CD101: variants seen among roughly 807,000 people sequenced by gnomAD.
CD101 encodes the protein CD101 molecule.
Under a neutral mutation model 98.2 loss-of-function variants are expected in CD101, and 76 were observed. The observed-to-expected ratio is 0.77, with a 90% CI of 0.64 to 0.94. The LOEUF is 0.94. Ranked by LOEUF, CD101 falls within the 40% of genes least tolerant of loss-of-function variation. The pLI is 0.00. For missense variants in CD101, 1,145 were observed against 1,218.8 expected, an observed-to-expected ratio of 0.94 and a Z score of 0.90; for synonymous variants, 471 against 472.7, an observed-to-expected ratio of 1.00 and a Z score of 0.05.
intron 8 of CD101, among the ~76,000 whole-genome samples, chr1:117,030,131 G>A (rs1302840042): frequency 2.0e-5 from 3 of 152,192 alleles, no homozygotes; most frequent in Non-Finnish European, 4.4e-5. Context: ...TGGGCCAGAT[G>A]TGATGGCTCC....
At position 117,011,561 on chromosome 1, in the gene CD101, AC is replaced by A. The variant is rs1280458140; in HGVS notation, c.439del (p.Leu147SerfsTer5). On this transcript the variant is annotated frameshift_variant, in exon 3 of 10. Coordinates refer to ENST00000682167, the MANE Select transcript of CD101 (RefSeq NM_001256106.3). LOFTEE classifies it high-confidence loss of function. ...TCCTTTGTTTCCAGTTATTCCAGAT[AC>A]CCTCTCTGCCACCATGAGTTCTCAG... Reference protein sequence around the residue: ...AKTNLIVIPDTLSATMSSQTL... With the variant: ...AKTNLIVIPDXLSATMSSQTL... 1.9e-6 allele frequency: 3 copies of A among 1,612,012 alleles called. No individual in the cohort carries two copies. Among genetic ancestry groups the A allele is most frequent in the East Asian group, 2.2e-5 (1 of 44,860 alleles).
rs1175788059 is a variant in CD101 at position 117,010,988 on chromosome 1, C to T, written c.425-562C>T. 1.3e-5 allele frequency among the ~76,000 whole-genome samples: 2 copies of T among 152,148 alleles called. No homozygotes were observed. Among genetic ancestry groups the T allele is most frequent in the Non-Finnish European group, 2.9e-5 (2 of 68,040 alleles). On this transcript the variant is annotated intron_variant, in intron 2 of 9. Transcript: ENST00000682167. The surrounding 1 kb of genome is among the most constrained non-coding windows in gnomAD (Gnocchi z 5.2). ...ATTCATTGATTAAATCTAAGTGTTG[C>T]TTTCATATAAGCTTAGGCTGTGTGA...
rs1245011373 is a variant in CD101, at chr1:117,013,724, C to A, written c.1160C>A (p.Thr387Lys). 3 of 1,613,892 alleles carry A rather than the reference C, an allele frequency of 1.9e-6. No homozygotes were observed. The highest frequency in any genetic ancestry group is 3.3e-5 in the Admixed American group (2 of 59,994). The change falls in exon 4 of 10, where the codon ACA (threonine) becomes AAA (lysine). Residue 387 changes from threonine to lysine, a missense_variant. Coordinates refer to ENST00000682167, the MANE Select transcript of CD101 (RefSeq NM_001256106.3). ...GTAGCAGAGGTCATGAAAACACGCACAGGTTCCTGGCAGGTGCTTCAGAGA... is the reference window on the plus strand; with the variant it reads ...GTAGCAGAGGTCATGAAAACACGCAAAGGTTCCTGGCAGGTGCTTCAGAGA... ...CVVAEVMKTR[T>K]GSWQVLQRKQ...
rs77644524 is a variant in CD101 at position 117,014,840 on chromosome 1, T to A, written c.1228+1048T>A. Among the ~76,000 whole-genome samples, 203 of 152,320 alleles carry A rather than the reference T, an allele frequency of 1.3e-3. 1 individual carries two copies. The highest frequency in any genetic ancestry group is 4.4e-3 in the African/African-American group (185 of 41,580). ...GAAGATGCACCGATTTGGCCTTGAG[T>A]GGCAGGCCAGGAAGTGTGTTGGTGT... On this transcript the variant is annotated intron_variant, in intron 4 of 9. Transcript: ENST00000682167.
chr1:117,030,029 T>C lies in CD101; in HGVS notation c.2825-3831T>C, dbSNP rs948420534. Among the ~76,000 whole-genome samples the C allele has an allele frequency of 2.0e-5, 3 of 152,354 alleles. No homozygotes were observed. In the South Asian group the frequency reaches 6.2e-4, roughly 32 times the overall value. ...TAATTGATAGGCCAGGCTATAAGGC[T>C]TCCTGGGAACTGGATTATCTGTAGT... On this transcript the variant is annotated intron_variant, in intron 8 of 9. Transcript: ENST00000682167.
In CD101 at chr1:117,012,056, G is replaced by A; in HGVS notation, c.841+90G>A. Reference sequence around the variant, plus strand: ...GTTTTAATTTTTGTTCTAATCTTTTGTTGGCTCTAAAAAATTGGCTAGAAA... The same window carrying A: ...GTTTTAATTTTTGTTCTAATCTTTTATTGGCTCTAAAAAATTGGCTAGAAA... On this transcript the variant is annotated intron_variant, in intron 3 of 9. Transcript: ENST00000682167. The surrounding 1 kb of genome is among the most constrained non-coding windows in gnomAD (Gnocchi z 4.0). 1 of 1,232,830 alleles carries A rather than the reference G, an allele frequency of 8.1e-7. No homozygotes were observed. The highest frequency in any genetic ancestry group is 1.1e-6 in the Non-Finnish European group (1 of 891,888). 76.4% of individuals were successfully genotyped at this position (1,232,830 alleles called of 1,614,324 possible).
chr1:117,025,450 A>AG, intron 7 of CD101, 59 bp from the exon 8 acceptor site: 1 of 1,415,748 alleles, frequency 7.1e-7, no homozygotes, highest in Admixed American at 2.3e-5. Context: ...GATTTTTCAG[A>AG]GGTGGTATCC....
At position 117,034,140 on chromosome 1, in the gene CD101, G is replaced by A. The variant is rs768541387; in HGVS notation, c.*33+6G>A. On this transcript the variant is annotated splice_donor_region_variant and intron_variant, in intron 9 of 9. Coordinates refer to ENST00000682167, the MANE Select transcript of CD101 (RefSeq NM_001256106.3). Reference sequence around the variant, plus strand: ...CCTGCAGCCAGGAAGGAAAGGTGGGGGCTTTTTAATTGGGCTAACCAGGGT... The same window carrying A: ...CCTGCAGCCAGGAAGGAAAGGTGGGAGCTTTTTAATTGGGCTAACCAGGGT... The A allele has an allele frequency of 3.1e-6, 5 of 1,608,184 alleles. No homozygotes were observed. In the South Asian group the frequency reaches 5.5e-5, roughly 18 times the overall value.
intron 9 of CD101, among the ~76,000 whole-genome samples, chr1:117,034,443 G>T (rs1654676019): frequency 6.6e-6 from 1 of 152,160 alleles, no homozygotes; most frequent in South Asian, 2.1e-4. Context: ...ATGCCCTGGT[G>T]GGGCTTCTCT....
At position 117,021,637 on chromosome 1, in the gene CD101, T is replaced by C. The variant is rs2101137778; in HGVS notation, c.2082T>C (p.Asp694=). 1 of 1,613,758 alleles carries C rather than the reference T, an allele frequency of 6.2e-7. No individual in the cohort carries two copies. Among genetic ancestry groups the C allele is most frequent in the Non-Finnish European group, 8.5e-7 (1 of 1,179,828 alleles). Residue 694 remains aspartate (D), a synonymous_variant, in exon 7 of 10, where the codon GAT becomes GAC. Coordinates refer to ENST00000682167, the MANE Select transcript of CD101 (RefSeq NM_001256106.3). This position sits in a 1 kb window ranked among gnomAD's most constrained non-coding sequence, Gnocchi z 4.7. ...AGCTCTCCATCAACTCCAACACTGA[T>C]ATAGAATGTAGCATCTTGTCCCGGT... The part of the protein sequence containing the change: ...VQELSINSNT[D]IECSILSRSN...
chr1:117,010,895 G>A lies in CD101; in HGVS notation c.425-655G>A, dbSNP rs1652848405. Among the ~76,000 whole-genome samples the A allele has an allele frequency of 6.6e-6, 1 of 152,016 alleles. No individual in the cohort carries two copies. On this transcript the variant is annotated intron_variant, in intron 2 of 9. Transcript: ENST00000682167. This position sits in a 1 kb window ranked among gnomAD's most constrained non-coding sequence, Gnocchi z 5.2. ...CCAGTTACATGGTAATTGGCTATTT[G>A]TATGCCTCTTTCCCACCACATCCTC...
At chr1:117,016,758 A>T (rs1653243858) in intron 4 of CD101, among the ~76,000 whole-genome samples, 1 of 152,224 alleles carries the variant, frequency 6.6e-6, no homozygotes, top group Non-Finnish European at 1.5e-5. Flanking sequence ...CTGAGGCACG[A>T]GGCAGGAGAA....
chr1:117,030,236 A>G (rs1011696123), intron 8 of CD101, among the ~76,000 whole-genome samples: 2 of 152,092 alleles, frequency 1.3e-5, no homozygotes, highest in Non-Finnish European at 1.5e-5. Flanking sequence ...TTTAAAAATT[A>G]GACACATGGT....
chr1:117,022,082 T>C lies in CD101; in HGVS notation c.2428+99T>C. ...GAGTGATTATGTGGAAGTAAAAATATGACCTAAAGTCATAGGAACAGTATC... is the reference window on the plus strand; with the variant it reads ...GAGTGATTATGTGGAAGTAAAAATACGACCTAAAGTCATAGGAACAGTATC... On this transcript the variant is annotated intron_variant, in intron 7 of 9. Coordinates refer to ENST00000682167, the MANE Select transcript of CD101 (RefSeq NM_001256106.3). This position sits in a 1 kb window ranked among gnomAD's most constrained non-coding sequence, Gnocchi z 4.8. 1 of 1,325,036 alleles carries C rather than the reference T, an allele frequency of 7.5e-7. No homozygotes were observed. The highest frequency in any genetic ancestry group is 1.0e-6 in the Non-Finnish European group (1 of 962,324). The allele number at this position is 1,325,036 out of a possible 1,614,324, so 82.1% of individuals were successfully genotyped here. A position where few individuals can be genotyped will look rare whatever the true frequency, so the allele number is the denominator to read the frequency against.
chr1:117,016,951 G>A (rs1266530433), intron 4 of CD101, 139 bp from the exon 5 acceptor site: 11 of 814,758 alleles, frequency 1.4e-5, no homozygotes, highest in African/African-American at 1.7e-5. Flanking sequence ...TCTTTTGCCT[G>A]AGGGTGGTGC....
In CD101 at chr1:117,017,679, A is replaced by G. The variant is rs187391286; in HGVS notation, c.1612+206A>G. Among the ~76,000 whole-genome samples, 4 of 152,288 alleles carry G rather than the reference A, an allele frequency of 2.6e-5. No individual in the cohort carries two copies. In the East Asian group the frequency reaches 7.7e-4, roughly 29 times the overall value. ...ATCATCTTTAGAGTGCAACTTGTAAATTGTTGTTCAAGGTTAAAAACAAAA... is the reference window on the plus strand; with the variant it reads ...ATCATCTTTAGAGTGCAACTTGTAAGTTGTTGTTCAAGGTTAAAAACAAAA... On this transcript the variant is annotated intron_variant, in intron 5 of 9. Transcript: ENST00000682167.
intron 8 of CD101, among the ~76,000 whole-genome samples, chr1:117,028,411 G>A (rs1163297242): frequency 1.3e-5 from 2 of 152,164 alleles, no homozygotes; most frequent in African/African-American, 4.8e-5. Context: ...GATTTGGAGG[G>A]GAAGATTAGT....
rs779683185 is a variant in CD101, at chr1:117,029,203, GAAAA to G, written c.2824+3300_2824+3303del. On this transcript the variant is annotated intron_variant, in intron 8 of 9. Coordinates refer to ENST00000682167, the MANE Select transcript of CD101 (RefSeq NM_001256106.3). ...AGAAAGAAAGAAAGAAAGAAAGAAA[GAAAA>G]GAAAGAAAAGAAAGAAAGAAAGAAA... is the stretch of plus-strand genomic sequence containing the variant. Among the ~76,000 whole-genome samples the G allele has an allele frequency of 6.4e-4, 44 of 69,104 alleles. 2 individuals carry two copies. The East Asian group carries it at 0.014, about 22-fold the overall frequency. 45.3% of individuals were successfully genotyped at this position (69,104 alleles called of 152,430 possible).
chr1:117,013,735 C>G lies in CD101; in HGVS notation c.1171C>G (p.Gln391Glu), dbSNP rs1036012157. 6.2e-7 allele frequency: 1 copy of G among 1,613,834 alleles called. No homozygotes were observed. Among genetic ancestry groups the G allele is most frequent in the Non-Finnish European group, 8.5e-7 (1 of 1,179,982 alleles). The change falls in exon 4 of 10, where the codon CAG (glutamine) becomes GAG (glutamate). Residue 391 changes from glutamine (Q) to glutamate (E), a missense_variant. Physicochemically the swap from Gln to Glu is conservative, Grantham distance 29 (BLOSUM62 2). Transcript: ENST00000682167. Reference protein sequence around the residue: ...EVMKTRTGSWQVLQRKQSPDS... With the variant: ...EVMKTRTGSWEVLQRKQSPDS... Reference sequence around the variant, plus strand: ...CATGAAAACACGCACAGGTTCCTGGCAGGTGCTTCAGAGAAAGCAGTCACC... The same window carrying G: ...CATGAAAACACGCACAGGTTCCTGGGAGGTGCTTCAGAGAAAGCAGTCACC...
Sources: allele counts gnomAD v4.1 joint callset (sites outside exome capture counted in the v4.1 genomes callset), GRCh38; gene constraint gnomAD v4.1.1; non-coding constraint Gnocchi (gnomAD v3.1); transcripts MANE v1.5; gene names NCBI Gene and HGNC (gene_info 2026-07-23, HGNC 2026-07-21).